The following CDIPT variants were observed in gnomAD, a reference collection of about 807,000 sequenced individuals.
The protein encoded by CDIPT is PI synthase.
CDIPT carries 17 observed loss-of-function variants against 21.6 expected under a neutral mutation model. The observed-to-expected ratio is 0.79, with a 90% CI of 0.54 to 1.18. The LOEUF is 1.18. Ranked by LOEUF, CDIPT falls within the 50% of genes most tolerant of loss-of-function variation. The pLI is 0.00. For missense variants in CDIPT, 254 were observed against 284.9 expected (o/e 0.89, Z 0.78); for synonymous variants, 119 against 117.9 (o/e 1.01, Z -0.06).
intron 4 of CDIPT, among the ~76,000 whole-genome samples, 157 bp downstream of exon 4, chr16:29,860,424 C>G (rs560469118): frequency 1.3e-5 from 2 of 152,336 alleles, no homozygotes; most frequent in African/African-American, 2.4e-5. Flanking sequence ...CCCCACCAAT[C>G]CTCCTCCTCC....
At chr16:29,861,756 C>T in intron 2 of CDIPT, 1 of 473,818 alleles carries the variant, frequency 2.1e-6, no homozygotes, top group South Asian at 2.3e-5. Context: ...TTTTCCGAGA[C>T]AGAGTCTTGC....
Position 29,859,105 on chromosome 16 carries a change from G to C in CDIPT, c.*84C>G, listed in dbSNP as rs776740653. The C allele has an allele frequency of 8.4e-5, 118 of 1,409,260 alleles. No individual in the cohort carries two copies. Among genetic ancestry groups the C allele is most frequent in the Non-Finnish European group, 1.1e-4 (113 of 1,034,682 alleles). 87.3% of individuals were successfully genotyped at this position (1,409,260 alleles called of 1,614,324 possible). ...AACACATGAGGAAGGCGTGAGACTG[G>C]GACCTCCTAGCAGGGGGTGGGGAGC... On this transcript the variant is annotated 3_prime_UTR_variant, in exon 6 of 6. Coordinates refer to ENST00000219789, the MANE Select transcript of CDIPT (RefSeq NM_006319.5). This position sits in a 1 kb window ranked among gnomAD's most constrained non-coding sequence, Gnocchi z 4.5.
At position 29,859,627 on chromosome 16, in the gene CDIPT, AT is replaced by A. The variant is rs1210240998; in HGVS notation, c.415-105del. The A allele has an allele frequency of 7.4e-5, 55 of 743,154 alleles. No individual in the cohort carries two copies. Among genetic ancestry groups the A allele is most frequent in the South Asian group, 1.1e-4 (7 of 62,530 alleles). The allele number at this position is 743,154 out of a possible 1,614,324, so 46.0% of individuals were successfully genotyped here. On this transcript the variant is annotated intron_variant, in intron 4 of 5. Transcript: ENST00000219789. This position sits in a 1 kb window ranked among gnomAD's most constrained non-coding sequence, Gnocchi z 4.5. Reference sequence around the variant, plus strand: ...ACAATCTCGGCATATTACTTCTCTTATTTTTTTTTCTTTTTTACAGACAGGG... The same window carrying A: ...ACAATCTCGGCATATTACTTCTCTTATTTTTTTTCTTTTTTACAGACAGGG...
intron 3 of CDIPT, 29 bp downstream of exon 3, chr16:29,861,077 T>A (rs769085347): frequency 6.2e-7 from 1 of 1,613,096 alleles, no homozygotes; most frequent in Non-Finnish European, 8.5e-7. Flanking sequence ...TGTCTCCAAG[T>A]GGCCCAGGCC....
intron 4 of CDIPT, 28 bp downstream of exon 4, chr16:29,860,553 A>C (rs1385627885): frequency 1.4e-6 from 2 of 1,455,934 alleles, no homozygotes; most frequent in Non-Finnish European, 1.9e-6. Flanking sequence ...CAAGAGCCTG[A>C]GGGGTGGGGT....
chr16:29,860,555 G>A (rs113404632), intron 4 of CDIPT, 26 bp downstream of exon 4: 14 of 1,479,018 alleles, frequency 9.5e-6, no homozygotes, highest in African/African-American at 6.9e-5. Context: ...AGAGCCTGAG[G>A]GGTGGGGTGT....
chr16:29,862,312 G>A lies in CDIPT; in HGVS notation c.178+274C>T, dbSNP rs1208075493. 6.6e-6 allele frequency among the ~76,000 whole-genome samples: 1 copy of A among 152,122 alleles called. No individual in the cohort carries two copies. Among genetic ancestry groups the A allele is most frequent in the East Asian group, 1.9e-4 (1 of 5,190 alleles). ...TGGCACGCTCCTGTAGTCCCAGCTA[G>A]TCAGGAGGCTGAGGTGGGAGGATTA... On this transcript the variant is annotated intron_variant, in intron 2 of 5. Transcript: ENST00000219789. This position sits in a 1 kb window ranked among gnomAD's most constrained non-coding sequence, Gnocchi z 6.7.
At chr16:29,861,441 T>C in intron 2 of CDIPT, 182 bp from the exon 3 acceptor site, 1 of 1,538,780 alleles carries the variant, frequency 6.5e-7, no homozygotes, top group Non-Finnish European at 8.7e-7. Flanking sequence ...CACCATGGCA[T>C]GAACTGAGAA....
chr16:29,860,406 C>T (rs1324251809), intron 4 of CDIPT, among the ~76,000 whole-genome samples, 175 bp downstream of exon 4: 3 of 152,220 alleles, frequency 2.0e-5, no homozygotes, highest in Non-Finnish European at 2.9e-5. Context: ...GTAATTCACA[C>T]AGGCCTTCCC....
Position 29,859,034 on chromosome 16 carries a change from G to GT in CDIPT, c.*154dup, listed in dbSNP as rs1312528576. On this transcript the variant is annotated 3_prime_UTR_variant, in exon 6 of 6. Coordinates refer to ENST00000219789, the MANE Select transcript of CDIPT (RefSeq NM_006319.5). This position sits in a 1 kb window ranked among gnomAD's most constrained non-coding sequence, Gnocchi z 4.5. ...CCGGGTCCTCAGGATCCCAGAGAAC[G>GT]TGACGTCACCAAAGAGAGGCTGACC... 1 of 797,828 alleles carries GT rather than the reference G, an allele frequency of 1.3e-6. No individual in the cohort carries two copies. The highest frequency in any genetic ancestry group is 1.9e-6 in the Non-Finnish European group (1 of 515,676). 49.4% of individuals were successfully genotyped at this position (797,828 alleles called of 1,614,324 possible).
In CDIPT at chr16:29,859,385, C is replaced by T; in HGVS notation, c.497-51G>A. 6.3e-7 allele frequency: 1 copy of T among 1,589,600 alleles called. No homozygotes were observed. Among genetic ancestry groups the T allele is most frequent in the Middle Eastern group, 1.7e-4 (1 of 6,018 alleles). On this transcript the variant is annotated intron_variant, in intron 5 of 5. Coordinates refer to ENST00000219789, the MANE Select transcript of CDIPT (RefSeq NM_006319.5). The surrounding 1 kb of genome is among the most constrained non-coding windows in gnomAD (Gnocchi z 4.5). ...GGGGCCCGAAGGAGGGGGCCTCCATCTCCCTGGGCAGGCCAGATCCCCCTC... is the reference window on the plus strand; with the variant it reads ...GGGGCCCGAAGGAGGGGGCCTCCATTTCCCTGGGCAGGCCAGATCCCCCTC...
chr16:29,862,440 C>T lies in CDIPT; in HGVS notation c.178+146G>A, dbSNP rs2067690781. ...CTGTCTCAAAAACAAAAAAACAAAA[C>T]ACAAAACAAAAAGCCCCAGGCCATC... On this transcript the variant is annotated intron_variant, in intron 2 of 5. Transcript: ENST00000219789. The surrounding 1 kb of genome is among the most constrained non-coding windows in gnomAD (Gnocchi z 6.7). 4 of 859,178 alleles carry T rather than the reference C, an allele frequency of 4.7e-6. No homozygotes were observed. The East Asian group carries it at 8.1e-5, about 17-fold the overall frequency. 53.2% of individuals were successfully genotyped at this position (859,178 alleles called of 1,614,324 possible). A position where few individuals can be genotyped will look rare whatever the true frequency, so the allele number is the denominator to read the frequency against.
chr16:29,859,017 T>C lies in CDIPT; in HGVS notation c.*172A>G. 1 of 719,424 alleles carries C rather than the reference T, an allele frequency of 1.4e-6. No individual in the cohort carries two copies. The highest frequency in any genetic ancestry group is 2.2e-6 in the Non-Finnish European group (1 of 448,338). 44.6% of individuals were successfully genotyped at this position (719,424 alleles called of 1,614,324 possible). On this transcript the variant is annotated 3_prime_UTR_variant, in exon 6 of 6. Coordinates refer to ENST00000219789, the MANE Select transcript of CDIPT (RefSeq NM_006319.5). The surrounding 1 kb of genome is among the most constrained non-coding windows in gnomAD (Gnocchi z 4.5). Reference sequence around the variant, plus strand: ...CCTCCCTGATTTGAGGCCCGGGTCCTCAGGATCCCAGAGAACGTGACGTCA... The same window carrying C: ...CCTCCCTGATTTGAGGCCCGGGTCCCCAGGATCCCAGAGAACGTGACGTCA...
rs757373468 is a variant in CDIPT, at chr16:29,860,610, G to A, written c.385C>T (p.Pro129Ser). 1 of 1,612,990 alleles carries A rather than the reference G, an allele frequency of 6.2e-7. No homozygotes were observed. The highest frequency in any genetic ancestry group is 8.5e-7 in the Non-Finnish European group (1 of 1,179,118). ...GAGGTGTAGTAGATCCGAAGCACCG[G>A]ATTCCCGGACAAGTCGATCATCTTG... ...SHKMIDLSGN[P>S]VLRIYYTSRP... Residue 129 changes from proline to serine, a missense_variant, in exon 4 of 6, where the codon CCG becomes TCG. Coordinates refer to ENST00000219789, the MANE Select transcript of CDIPT (RefSeq NM_006319.5).
chr16:29,862,448 A>C lies in CDIPT; in HGVS notation c.178+138T>G. ...AAAACAAAAAAACAAAACACAAAACAAAAAGCCCCAGGCCATCCTGTTCTG... is the reference window on the plus strand; with the variant it reads ...AAAACAAAAAAACAAAACACAAAACCAAAAGCCCCAGGCCATCCTGTTCTG... On this transcript the variant is annotated intron_variant, in intron 2 of 5. Coordinates refer to ENST00000219789, the MANE Select transcript of CDIPT (RefSeq NM_006319.5). This position sits in a 1 kb window ranked among gnomAD's most constrained non-coding sequence, Gnocchi z 6.7. 1 of 908,506 alleles carries C rather than the reference A, an allele frequency of 1.1e-6. No homozygotes were observed. The highest frequency in any genetic ancestry group is 1.7e-6 in the Non-Finnish European group (1 of 604,802). The allele number at this position is 908,506 out of a possible 1,614,324, so 56.3% of individuals were successfully genotyped here.
Position 29,859,222 on chromosome 16 carries a change from G to C in CDIPT, c.609C>G (p.Ala203=). 1 of 1,598,142 alleles carries C rather than the reference G, an allele frequency of 6.3e-7. No individual in the cohort carries two copies. The highest frequency in any genetic ancestry group is 8.5e-7 in the Non-Finnish European group (1 of 1,173,352). ...TCTTGGCGCGGTCTGCTGCGTCCAG[G>C]GCAGCCATGTTGCGGGCGGCCGTGA... ...HLITAARNMA[A]LDAADRAKKK is the part of the protein sequence containing the mutation. Residue 203 remains alanine (A), a synonymous_variant, in exon 6 of 6, where the codon GCC becomes GCG. Coordinates refer to ENST00000219789, the MANE Select transcript of CDIPT (RefSeq NM_006319.5). The surrounding 1 kb of genome is among the most constrained non-coding windows in gnomAD (Gnocchi z 4.5).
rs748598961 is a variant in CDIPT at position 29,861,165 on chromosome 16, C to T, written c.273G>A (p.Thr91=). 4.3e-6 allele frequency: 7 copies of T among 1,614,034 alleles called. No individual in the cohort carries two copies. Among genetic ancestry groups the T allele is most frequent in the African/African-American group, 1.3e-5 (1 of 74,910 alleles). The change falls in exon 3 of 6, where the codon ACG becomes ACA. Residue 91 remains threonine (T), a synonymous_variant. Coordinates refer to ENST00000219789, the MANE Select transcript of CDIPT (RefSeq NM_006319.5). ...VNLALLYPGA[T]LFFQISMSLD... is the part of the protein sequence containing the mutation. The stretch of plus-strand genomic sequence containing the variant: ...AACTCATGCTGATTTGGAAGAACAG[C>T]GTGGCTCCAGGGTACAGCAGGGCCA...
rs1192449932 is a variant in CDIPT at position 29,859,567 on chromosome 16, G to A, written c.415-44C>T. On this transcript the variant is annotated intron_variant, in intron 4 of 5. Coordinates refer to ENST00000219789, the MANE Select transcript of CDIPT (RefSeq NM_006319.5). The surrounding 1 kb of genome is among the most constrained non-coding windows in gnomAD (Gnocchi z 4.5). The stretch of plus-strand genomic sequence containing the variant: ...GGCCACGTTAGCAAGAGGCAGGCGT[G>A]TGCCACCCCCTGCCCCCCCAGCACT... 3.8e-6 allele frequency: 5 copies of A among 1,326,020 alleles called. No individual in the cohort carries two copies. Among genetic ancestry groups the A allele is most frequent in the South Asian group, 2.4e-5 (2 of 84,326 alleles). 82.1% of individuals were successfully genotyped at this position (1,326,020 alleles called of 1,614,324 possible). A position where few individuals can be genotyped will look rare whatever the true frequency, so the allele number is the denominator to read the frequency against.
At chr16:29,860,874 A>G in intron 3 of CDIPT, 1 of 617,368 alleles carries the variant, frequency 1.6e-6, no homozygotes. Flanking sequence ...TGTCACCTAT[A>G]TGGAATCCTA....
Sources: allele counts gnomAD v4.1 joint callset (sites outside exome capture counted in the v4.1 genomes callset), GRCh38; gene constraint gnomAD v4.1.1; non-coding constraint Gnocchi (gnomAD v3.1); transcripts MANE v1.5; gene names NCBI Gene and HGNC (gene_info 2026-07-23, HGNC 2026-07-21).